Variants in IHO1 observed in about 807,000 individuals in gnomAD.
The protein encoded by IHO1 is interactor of HORMAD1 1.
IHO1 carries 13 observed loss-of-function variants against 31.0 expected under a neutral mutation model. The observed-to-expected ratio is 0.42, with a 90% CI of 0.27 to 0.67. IHO1 has a LOEUF of 0.67. Among genes scored for constraint, IHO1 ranks in the 30% least tolerant of loss-of-function variants. The probability of loss-of-function intolerance (pLI) is 0.24; values close to 1 mark genes in which losing one functional copy is unlikely to be tolerated. For synonymous variants in IHO1, 221 were observed against 248.4 expected, an observed-to-expected ratio of 0.89 and a Z score of 1.04; for missense variants, 599 against 687.5, an observed-to-expected ratio of 0.87 and a Z score of 1.44.
chr3:49,202,851 A>ATTT lies in IHO1; in HGVS notation c.-16+3298_-16+3300dup, dbSNP rs71077774. On this transcript the variant is annotated intron_variant, in intron 1 of 7. Transcript: ENST00000452691. ...CTACCACGTCCAGCTAATTTTTTGT[A>ATTT]TTTTTTTTTTTTTTTTTTTTTTGAG... is the stretch of plus-strand genomic sequence containing the variant. Among the ~76,000 whole-genome samples, 358 of 90,106 alleles carry ATTT rather than the reference A, an allele frequency of 4.0e-3. 4 individuals are homozygous for ATTT. Among genetic ancestry groups the ATTT allele is most frequent in the Non-Finnish European group, 5.5e-3 (257 of 47,028 alleles). The allele number at this position is 90,106 out of a possible 152,430, so 59.1% of individuals were successfully genotyped here.
At position 49,257,306 on chromosome 3, in the gene IHO1, T is replaced by A. The variant is rs747352982; in HGVS notation, c.*24T>A. ...GACCAGTCCACAGTTGATTTATTGG[T>A]CTCAGCTAGAAAGAGAAATTGCAGG... On this transcript the variant is annotated 3_prime_UTR_variant, in exon 8 of 8. Transcript: ENST00000452691. The A allele has an allele frequency of 4.4e-6, 7 of 1,599,882 alleles. No individual in the cohort carries two copies. In the South Asian group the frequency reaches 7.9e-5, roughly 18 times the overall value.
At chr3:49,212,415 C>T (rs530107534) in intron 2 of IHO1, among the ~76,000 whole-genome samples, 3 of 150,230 alleles carry the variant, frequency 2.0e-5, no homozygotes, top group Non-Finnish European at 2.9e-5. Flanking sequence ...ACTGGGGAGG[C>T]TGAGGCAGGA....
At chr3:49,223,610 G>T (rs551946948) in intron 2 of IHO1, among the ~76,000 whole-genome samples, 15 of 151,908 alleles carry the variant, frequency 9.9e-5, no homozygotes, top group African/African-American at 2.9e-4. Flanking sequence ...AGAATGGCGC[G>T]AACCCGGGAG....
In IHO1 at chr3:49,257,227, G is replaced by A. The variant is rs781144663; in HGVS notation, c.1730G>A (p.Gly577Glu). ...CSETPLCKEAGKNLLYDLGFD... is the reference protein window; with the variant it reads ...CSETPLCKEAEKNLLYDLGFD... ...GAGACCCCTCTATGCAAGGAGGCAG[G>A]AAAGAATTTGCTCTATGACCTGGGT... Residue 577 changes from glycine (G) to glutamate (E), a missense_variant, in exon 8 of 8, where the codon GGA becomes GAA. Transcript: ENST00000452691. 1 of 1,614,172 alleles carries A rather than the reference G, an allele frequency of 6.2e-7. No homozygotes were observed. Among genetic ancestry groups the A allele is most frequent in the East Asian group, 2.2e-5 (1 of 44,896 alleles).
Position 49,236,628 on chromosome 3 carries a change from A to C in IHO1, c.137A>C (p.Gln46Pro). ...LSDSQFLFGS[Q>P]FCPENSETLS... Reference sequence around the variant, plus strand: ...GATTCCCAGTTCCTCTTTGGATCTCAGTTCTGTCCAGAAAATTCAGAAACC... The same window carrying C: ...GATTCCCAGTTCCTCTTTGGATCTCCGTTCTGTCCAGAAAATTCAGAAACC... The change falls in exon 3 of 8, where the codon CAG becomes CCG. Residue 46 changes from glutamine to proline, a missense_variant. Coordinates refer to ENST00000452691, the MANE Select transcript of IHO1 (RefSeq NM_001135197.2). 6.2e-7 allele frequency: 1 copy of C among 1,613,596 alleles called. No homozygotes were observed. Among genetic ancestry groups the C allele is most frequent in the Non-Finnish European group, 8.5e-7 (1 of 1,179,522 alleles).
chr3:49,195,470 C>A (rs2045991407), upstream of IHO1, among the ~76,000 whole-genome samples: 1 of 150,408 alleles, frequency 6.6e-6, no homozygotes, highest in Non-Finnish European at 1.5e-5. Flanking sequence ...GTAATCCCAG[C>A]ACTTTGGGAG....
At chr3:49,237,201 A>G (rs1235981726) in intron 3 of IHO1, among the ~76,000 whole-genome samples, 2 of 151,822 alleles carry the variant, frequency 1.3e-5, no homozygotes, top group African/African-American at 4.8e-5. Flanking sequence ...TACAAAAATT[A>G]GCCGGGTGTG....
intron 6 of IHO1, among the ~76,000 whole-genome samples, chr3:49,248,283 G>A (rs1053137604): frequency 2.6e-5 from 4 of 151,912 alleles, no homozygotes; most frequent in African/African-American, 9.7e-5. Context: ...TTAGCTGGGC[G>A]TGGTGGCGGG....
chr3:49,216,858 ATT>A (rs1298645597), intron 2 of IHO1, among the ~76,000 whole-genome samples: 1 of 152,250 alleles, frequency 6.6e-6, no homozygotes, highest in African/African-American at 2.4e-5. Flanking sequence ...AAAATAAGAC[ATT>A]TATGCAACCA....
chr3:49,206,467 T>C (rs2046139270), intron 1 of IHO1, among the ~76,000 whole-genome samples: 1 of 148,436 alleles, frequency 6.7e-6, no homozygotes, highest in African/African-American at 2.5e-5. Context: ...TGACCTCAAG[T>C]GATCCACCCA....
chr3:49,221,365 C>T (rs564256869), intron 2 of IHO1, among the ~76,000 whole-genome samples: 1 of 151,544 alleles, frequency 6.6e-6, no homozygotes, highest in South Asian at 2.1e-4. Flanking sequence ...CTGATTGGTG[C>T]GTTTTTTACA....
At chr3:49,230,361 G>T (rs560623503) in intron 2 of IHO1, among the ~76,000 whole-genome samples, 1 of 152,116 alleles carries the variant, frequency 6.6e-6, no homozygotes, top group Non-Finnish European at 1.5e-5. Flanking sequence ...GCCTTTAATA[G>T]TCATAGATTT....
intron 1 of IHO1, among the ~76,000 whole-genome samples, chr3:49,209,612 CGTGACAGAGT>C (rs1170813243): frequency 6.7e-6 from 1 of 148,972 alleles, no homozygotes; most frequent in Non-Finnish European, 1.5e-5. Context: ...TTCCAGCCTG[CGTGACAGAGT>C]GGGACTTCAT....
chr3:49,248,381 T>C (rs1306223393), intron 6 of IHO1, among the ~76,000 whole-genome samples: 2 of 151,970 alleles, frequency 1.3e-5, no homozygotes, highest in African/African-American at 4.8e-5. Flanking sequence ...ATCCTGCCAC[T>C]GCACTCCAGC....
At chr3:49,202,955 C>T (rs1201375103) in intron 1 of IHO1, among the ~76,000 whole-genome samples, 2 of 150,408 alleles carry the variant, frequency 1.3e-5, no homozygotes, top group South Asian at 2.1e-4. Flanking sequence ...CTCCGCTTCC[C>T]GGGTTCACGC....
At chr3:49,247,832 A>T (rs2046712874) in intron 6 of IHO1, among the ~76,000 whole-genome samples, 1 of 150,256 alleles carries the variant, frequency 6.7e-6, no homozygotes, top group Non-Finnish European at 1.5e-5. Flanking sequence ...GAAAAAAAAA[A>T]ATAGATTCAA....
At chr3:49,215,589 G>C (rs2046278154) in intron 2 of IHO1, among the ~76,000 whole-genome samples, 1 of 152,192 alleles carries the variant, frequency 6.6e-6, no homozygotes, top group Non-Finnish European at 1.5e-5. Flanking sequence ...TCGCCACACA[G>C]AAAGCCAATC....
chr3:49,233,340 G>A (rs1342873155), intron 2 of IHO1, among the ~76,000 whole-genome samples: 1 of 152,160 alleles, frequency 6.6e-6, no homozygotes, highest in Admixed American at 6.5e-5. Context: ...TCTTAAATAA[G>A]ATTGAAATTT....
chr3:49,215,163 G>C (rs2046273062), intron 2 of IHO1, among the ~76,000 whole-genome samples: 1 of 151,344 alleles, frequency 6.6e-6, no homozygotes, highest in Non-Finnish European at 1.5e-5. Flanking sequence ...CAATCCTCCT[G>C]CCTTAGCGCC....
Sources: allele counts gnomAD v4.1 joint callset (sites outside exome capture counted in the v4.1 genomes callset), GRCh38; gene constraint gnomAD v4.1.1; transcripts MANE v1.5; gene names NCBI Gene and HGNC (gene_info 2026-07-23, HGNC 2026-07-21).